Variants in PARD3B observed in about 807,000 individuals in gnomAD.
The protein encoded by PARD3B is par-3 family cell polarity regulator beta, also known as partitioning defective 3 homolog B.
A neutral mutation model predicts 130.2 loss-of-function variants in PARD3B; 103 were observed. The ratio of observed to expected loss-of-function variants is 0.79; its 90% CI spans 0.67 to 0.93. The LOEUF is 0.93. Among genes scored for constraint, PARD3B ranks in the 40% least tolerant of loss-of-function variants. The probability of loss-of-function intolerance (pLI) is 0.00; values close to 1 mark genes in which losing one functional copy is unlikely to be tolerated. For missense variants in PARD3B, 1,609 were observed against 1,499.2 expected (o/e 1.07, Z -1.21); for synonymous variants, 583 against 553.2 (o/e 1.05, Z -0.76).
chr2:205,003,519 A>G (rs1695017786), intron 3 of PARD3B, among the ~76,000 whole-genome samples: 1 of 152,196 alleles, frequency 6.6e-6, no homozygotes, highest in Admixed American at 6.5e-5. Context: ...GGAGCTAATT[A>G]TCTCGTGACC....
chr2:204,936,060 T>C (rs977596708), intron 2 of PARD3B, among the ~76,000 whole-genome samples: 3 of 152,362 alleles, frequency 2.0e-5, no homozygotes, highest in Admixed American at 1.3e-4. Flanking sequence ...AAGATGGTTA[T>C]AGATAGTCAG....
intron 2 of PARD3B, among the ~76,000 whole-genome samples, chr2:204,850,327 G>A (rs1002484725): frequency 1.3e-5 from 2 of 150,816 alleles, no homozygotes; most frequent in African/African-American, 5.0e-5. Flanking sequence ...TTCCAAAAGA[G>A]AAGAAGTAAT....
In PARD3B at chr2:205,158,687, T is replaced by A. The variant is rs759525169; in HGVS notation, c.1435-35T>A. ...AGAGTGAAATATTAATCTGCTTTCT[T>A]CTCTTCACTCTTTTCATGTGTATTC... On this transcript the variant is annotated intron_variant, in intron 10 of 22. Transcript: ENST00000406610. This position sits in a 1 kb window ranked among gnomAD's most constrained non-coding sequence, Gnocchi z 5.4. The A allele has an allele frequency of 1.3e-6, 2 of 1,556,988 alleles. No homozygotes were observed. The highest frequency in any genetic ancestry group is 1.8e-6 in the Non-Finnish European group (2 of 1,139,262).
chr2:204,594,794 G>A (rs909631143), intron 1 of PARD3B, among the ~76,000 whole-genome samples: 1 of 152,158 alleles, frequency 6.6e-6, no homozygotes, highest in East Asian at 1.9e-4. Context: ...AGAAAATAAC[G>A]TATAACAAAG....
intron 15 of PARD3B, among the ~76,000 whole-genome samples, chr2:205,242,511 C>G (rs1288538755): frequency 6.6e-6 from 1 of 152,106 alleles, no homozygotes; most frequent in African/African-American, 2.4e-5. Context: ...TGCCTTTCTT[C>G]CACTGCAGGA....
intron 21 of PARD3B, among the ~76,000 whole-genome samples, chr2:205,539,463 G>A (rs1193077979): frequency 1.3e-5 from 2 of 152,120 alleles, no homozygotes; most frequent in African/African-American, 2.4e-5. Flanking sequence ...ATCCTCTAGA[G>A]CAGGTATGTG....
intron 18 of PARD3B, among the ~76,000 whole-genome samples, chr2:205,328,166 A>G (rs1397396468): frequency 6.6e-6 from 1 of 152,172 alleles, no homozygotes; most frequent in Non-Finnish European, 1.5e-5. Flanking sequence ...CAAAACCCCC[A>G]ATATTTCCAA....
At chr2:205,148,108 C>T (rs1306253726) in intron 10 of PARD3B, among the ~76,000 whole-genome samples, 2 of 151,838 alleles carry the variant, frequency 1.3e-5, no homozygotes, top group Non-Finnish European at 2.9e-5. Context: ...ACTATATAGT[C>T]CATATTGTCT....
intron 10 of PARD3B, among the ~76,000 whole-genome samples, chr2:205,132,965 A>G (rs1050006802): frequency 1.3e-5 from 2 of 152,190 alleles, no homozygotes; most frequent in African/African-American, 2.4e-5. Flanking sequence ...TTGGTGATAT[A>G]GAAGGCTGGG....
chr2:204,714,503 C>T (rs185908030), intron 2 of PARD3B, among the ~76,000 whole-genome samples: 14 of 152,238 alleles, frequency 9.2e-5, no homozygotes, highest in Admixed American at 3.9e-4. Flanking sequence ...GTTTCAGTTT[C>T]TGTCACTTGT....
chr2:204,911,213 G>T (rs1190476251), intron 2 of PARD3B, among the ~76,000 whole-genome samples: 2 of 152,170 alleles, frequency 1.3e-5, no homozygotes, highest in African/African-American at 2.4e-5. Flanking sequence ...GCATGTGAGA[G>T]ACAGCTGTTT....
At position 205,553,551 on chromosome 2, in the gene PARD3B, T is replaced by C. The variant is rs2052743151; in HGVS notation, c.3260+148T>C. 3 of 675,424 alleles carry C rather than the reference T, an allele frequency of 4.4e-6. No individual in the cohort carries two copies. In the South Asian group the frequency reaches 6.0e-5, roughly 13 times the overall value. The allele number at this position is 675,424 out of a possible 1,614,324, so 41.8% of individuals were successfully genotyped here. A position where few individuals can be genotyped will look rare whatever the true frequency, so the allele number is the denominator to read the frequency against. ...GTCTGCTGTAGCCCTAGTTCCATCT[T>C]CACAAATGTGCTAATAATTGAAACA... On this transcript the variant is annotated intron_variant, in intron 22 of 22. Coordinates refer to ENST00000406610, the MANE Select transcript of PARD3B (RefSeq NM_001302769.2).
chr2:204,805,539 GGAATA>G (rs1192520352), intron 2 of PARD3B, among the ~76,000 whole-genome samples: 1 of 151,914 alleles, frequency 6.6e-6, no homozygotes, highest in Admixed American at 6.6e-5. Context: ...AAAGGAGGAG[GGAATA>G]CTTCCAAACT....
chr2:205,188,068 C>CA (rs1244519115), intron 14 of PARD3B, among the ~76,000 whole-genome samples: 1 of 152,230 alleles, frequency 6.6e-6, no homozygotes, highest in Admixed American at 6.5e-5. Flanking sequence ...TAGAGACAGA[C>CA]ACGCAGATAA....
chr2:204,835,129 T>G (rs182618552), intron 2 of PARD3B, among the ~76,000 whole-genome samples: 1 of 152,338 alleles, frequency 6.6e-6, no homozygotes, highest in African/African-American at 2.4e-5. Context: ...AAATGAGCTC[T>G]GTGGAGTCAT....
intron 20 of PARD3B, among the ~76,000 whole-genome samples, chr2:205,443,382 C>G (rs2047794345): frequency 2.0e-5 from 3 of 152,122 alleles, no homozygotes; most frequent in African/African-American, 7.2e-5. Context: ...GTTCCAACTA[C>G]TATAGAAAGC....
rs930376286 is a variant in PARD3B, at chr2:205,525,172, C to CT, written c.3180+25147dup. On this transcript the variant is annotated intron_variant, in intron 21 of 22. Coordinates refer to ENST00000406610, the MANE Select transcript of PARD3B (RefSeq NM_001302769.2). This position sits in a 1 kb window ranked among gnomAD's most constrained non-coding sequence, Gnocchi z 4.2. The stretch of plus-strand genomic sequence containing the variant: ...ATGGTATGACTGGAAAATACTAGGG[C>CT]TTTTTTCCCCTCCTACATGGTTAAC... Among the ~76,000 whole-genome samples, 2 of 152,084 alleles carry CT rather than the reference C, an allele frequency of 1.3e-5. No individual in the cohort carries two copies. The highest frequency in any genetic ancestry group is 4.8e-5 in the African/African-American group (2 of 41,414).
At chr2:205,003,139 C>T (rs542761633) in intron 3 of PARD3B, among the ~76,000 whole-genome samples, 1 of 152,212 alleles carries the variant, frequency 6.6e-6, no homozygotes, top group Non-Finnish European at 1.5e-5. Flanking sequence ...CCGGCAATGG[C>T]CGTCCGGTCT....
chr2:205,037,479 TG>T (rs1698072911), intron 3 of PARD3B, among the ~76,000 whole-genome samples: 3 of 147,700 alleles, frequency 2.0e-5, no homozygotes, highest in African/African-American at 2.5e-5. Flanking sequence ...TAAAATATAG[TG>T]GACTATATAT....
Sources: allele counts gnomAD v4.1 joint callset (sites outside exome capture counted in the v4.1 genomes callset), GRCh38; gene constraint gnomAD v4.1.1; non-coding constraint Gnocchi (gnomAD v3.1); transcripts MANE v1.5; gene names NCBI Gene and HGNC (gene_info 2026-07-23, HGNC 2026-07-21).